Variants in PRMT9 observed in about 807,000 individuals in gnomAD.
PRMT9 encodes the protein protein arginine methyltransferase 9.
In PRMT9, 59 loss-of-function variants were observed where a neutral mutation model predicts 83.2. That is an observed-to-expected ratio of 0.71 (90% CI 0.57 to 0.88). The LOEUF (loss-of-function observed/expected upper bound fraction) is 0.88. Ranked by LOEUF, PRMT9 falls within the 40% of genes least tolerant of loss-of-function variation. PRMT9 has a pLI of 0.00. For missense variants in PRMT9, 947 were observed against 1,021.9 expected, an observed-to-expected ratio of 0.93 and a Z score of 1.00; for synonymous variants, 333 against 353.2, an observed-to-expected ratio of 0.94 and a Z score of 0.64.
At chr4:147,648,931 C>A (rs1401122647) in intron 9 of PRMT9, among the ~76,000 whole-genome samples, 1 of 152,128 alleles carries the variant, frequency 6.6e-6, no homozygotes, top group Admixed American at 6.5e-5. Context: ...TGAAACTCTG[C>A]TTATCTTTAC....
chr4:147,661,927 T>G, intron 6 of PRMT9, among the ~76,000 whole-genome samples: 1 of 152,144 alleles, frequency 6.6e-6, no homozygotes, highest in East Asian at 1.9e-4. Flanking sequence ...TAAGATCACT[T>G]TGGAAGACTA....
rs1734891954 is a variant in PRMT9, at chr4:147,660,711, C to T, written c.1146+135G>A. The T allele has an allele frequency of 9.5e-6, 6 of 628,624 alleles. No individual in the cohort carries two copies. In the East Asian group the frequency reaches 1.7e-4, roughly 17 times the overall value. The allele number at this position is 628,624 out of a possible 1,614,324, so 38.9% of individuals were successfully genotyped here. Reference sequence around the variant, plus strand: ...ATTTCAGGAAGAAATTCTAATTACCCTTTAATCATTTTCTTTACATACAAT... The same window carrying T: ...ATTTCAGGAAGAAATTCTAATTACCTTTTAATCATTTTCTTTACATACAAT... On this transcript the variant is annotated intron_variant, in intron 7 of 11. Transcript: ENST00000322396.
intron 7 of PRMT9, among the ~76,000 whole-genome samples, chr4:147,659,287 G>A (rs1200900609): frequency 6.6e-6 from 1 of 151,558 alleles, no homozygotes; most frequent in African/African-American, 2.4e-5. Context: ...TGTAATCCCA[G>A]CTACTCGGGA....
At position 147,654,489 on chromosome 4, in the gene PRMT9, T is replaced by C; in HGVS notation, c.1408A>G (p.Ser470Gly). 1 of 1,613,918 alleles carries C rather than the reference T, an allele frequency of 6.2e-7. No homozygotes were observed. The highest frequency in any genetic ancestry group is 1.1e-5 in the South Asian group (1 of 91,072). Residue 470 changes from serine (S) to glycine (G), a missense_variant, in exon 9 of 12, where the codon AGT becomes GGT. Physicochemically the swap from Ser to Gly is moderately conservative, Grantham distance 56. Coordinates refer to ENST00000322396, the MANE Select transcript of PRMT9 (RefSeq NM_138364.4). ...ATTTCACATTCCAAACCCAAGACAC[T>C]AATACTCTGGATTCTTAAGTAACAG... ...QDCYLRIQSI[S>G]VLGLECEMDV...
rs775625946 is a variant in PRMT9, at chr4:147,668,653, A to C, written c.847-8T>G. 1.4e-6 allele frequency: 2 copies of C among 1,469,618 alleles called. No homozygotes were observed. The highest frequency in any genetic ancestry group is 2.3e-5 in the South Asian group (2 of 88,022). 91.0% of individuals were successfully genotyped at this position (1,469,618 alleles called of 1,614,324 possible). Reference sequence around the variant, plus strand: ...AGCACTTTCACCTTTGGTCTAAAAAAAATAACAATAAGAATTATGTTATCA... The same window carrying C: ...AGCACTTTCACCTTTGGTCTAAAAACAATAACAATAAGAATTATGTTATCA... On this transcript the variant is annotated splice_region_variant and splice_polypyrimidine_tract_variant and intron_variant, in intron 5 of 11. Transcript: ENST00000322396.
intron 9 of PRMT9, among the ~76,000 whole-genome samples, chr4:147,652,095 TACAAAA>T (rs1322080414): frequency 1.3e-5 from 2 of 152,078 alleles, no homozygotes; most frequent in Non-Finnish European, 2.9e-5. Context: ...ACACTGCAAC[TACAAAA>T]ACAAAAACAA....
At chr4:147,654,892 G>GC (rs1177007208) in intron 8 of PRMT9, among the ~76,000 whole-genome samples, 1 of 152,156 alleles carries the variant, frequency 6.6e-6, no homozygotes, top group Non-Finnish European at 1.5e-5. Flanking sequence ...GTGGAGTACT[G>GC]CAGGGGACTC....
chr4:147,678,463 C>T (rs1310926596), intron 2 of PRMT9, among the ~76,000 whole-genome samples: 1 of 152,212 alleles, frequency 6.6e-6, no homozygotes, highest in East Asian at 1.9e-4. Context: ...TCACAGAATT[C>T]TTCACGCACA....
chr4:147,648,875 G>T (rs1291275700), intron 9 of PRMT9, among the ~76,000 whole-genome samples: 1 of 152,138 alleles, frequency 6.6e-6, no homozygotes, highest in African/African-American at 2.4e-5. Context: ...GGGGCTAAAA[G>T]ATAGTGTCAG....
At chr4:147,679,472 G>A (rs890249926) in intron 2 of PRMT9, among the ~76,000 whole-genome samples, 3 of 152,110 alleles carry the variant, frequency 2.0e-5, no homozygotes, top group Admixed American at 2.0e-4. Context: ...TGGAGGCCAG[G>A]CGCAGTGGCT....
At chr4:147,657,743 C>G (rs779729593) in intron 8 of PRMT9, 49 bp downstream of exon 8, 8 of 1,434,656 alleles carry the variant, frequency 5.6e-6, no homozygotes, top group Middle Eastern at 1.7e-4. Flanking sequence ...GACTTGAATA[C>G]TTAGAAGATT....
At chr4:147,649,434 AAG>A (rs897555258) in intron 9 of PRMT9, among the ~76,000 whole-genome samples, 3 of 152,224 alleles carry the variant, frequency 2.0e-5, no homozygotes, top group Non-Finnish European at 4.4e-5. Context: ...CAAAAAACGA[AAG>A]AGCTTACCAA....
intron 2 of PRMT9, among the ~76,000 whole-genome samples, chr4:147,676,942 G>A (rs1736127006): frequency 6.6e-6 from 1 of 151,652 alleles, no homozygotes; most frequent in Non-Finnish European, 1.5e-5. Flanking sequence ...TACTCCGGAG[G>A]CTGAGGCATG....
At chr4:147,669,469 G>A (rs967772265) in intron 5 of PRMT9, among the ~76,000 whole-genome samples, 29 of 152,158 alleles carry the variant, frequency 1.9e-4, no homozygotes, top group Middle Eastern at 3.4e-3. Flanking sequence ...AAGAAAAGAG[G>A]GAGGATGGGG....
chr4:147,670,701 A>C lies in PRMT9; in HGVS notation c.786T>G (p.Phe262Leu), dbSNP rs1735669467. The C allele has an allele frequency of 1.2e-6, 2 of 1,613,486 alleles. No individual in the cohort carries two copies. Among genetic ancestry groups the C allele is most frequent in the Admixed American group, 1.7e-5 (1 of 59,992 alleles). The change falls in exon 5 of 12, where the codon TTT becomes TTG. Residue 262 changes from phenylalanine to leucine, a missense_variant. Transcript: ENST00000322396. ...VVTETVDAGL[F>L]GEGIVESLIH... is the part of the protein sequence containing the mutation. ...TCAAACTCTCCACAATTCCTTCTCCAAATAAACCTGCATCGACAGTTTCTG... is the reference window on the plus strand; with the variant it reads ...TCAAACTCTCCACAATTCCTTCTCCCAATAAACCTGCATCGACAGTTTCTG...
At position 147,665,016 on chromosome 4, in the gene PRMT9, G is replaced by A. The variant is rs1370543549; in HGVS notation, c.953+3523C>T. On this transcript the variant is annotated intron_variant, in intron 6 of 11. Transcript: ENST00000322396. ...CATGCCTGTAATCCCAGCTACTTGG[G>A]AGGCTGAGGCAGGAGAATCACTTGA... is the stretch of plus-strand genomic sequence containing the variant. 2.6e-5 allele frequency among the ~76,000 whole-genome samples: 4 copies of A among 151,156 alleles called. No individual in the cohort carries two copies. In the East Asian group the frequency reaches 7.8e-4, roughly 30 times the overall value.
intron 5 of PRMT9, among the ~76,000 whole-genome samples, chr4:147,669,021 G>A (rs2126625333): frequency 6.6e-6 from 1 of 152,216 alleles, no homozygotes; most frequent in East Asian, 1.9e-4. Context: ...AGGAGGCAGA[G>A]GCTGCAGTGA....
chr4:147,651,056 T>C (rs1156606275), intron 9 of PRMT9, among the ~76,000 whole-genome samples: 2 of 150,610 alleles, frequency 1.3e-5, no homozygotes. Context: ...TGAGGTGAGA[T>C]AGCGCCACTG....
intron 3 of PRMT9, 108 bp downstream of exon 3, chr4:147,673,530 T>C: frequency 1.2e-6 from 1 of 815,190 alleles, no homozygotes; most frequent in Non-Finnish European, 2.1e-6. Flanking sequence ...CCTAACAAGA[T>C]TATAAGAAAT....
Sources: gnomAD v4.1 joint callset for allele counts (sites outside exome capture counted in the v4.1 genomes callset) on GRCh38, gnomAD v4.1.1 for gene constraint, MANE v1.5 for transcripts, NCBI Gene and HGNC (gene_info 2026-07-23, HGNC 2026-07-21) for gene names.